The following CPA6 variants were observed in gnomAD, a reference collection of about 807,000 sequenced individuals.
CPA6 encodes carboxypeptidase B.
A neutral mutation model predicts 63.3 loss-of-function variants in CPA6; 58 were observed. That is an observed-to-expected ratio of 0.92 (90% CI 0.74 to 1.14). CPA6 has a LOEUF of 1.14. CPA6 is among the 50% of genes most tolerant of loss of function. The probability of loss-of-function intolerance (pLI) is 0.00; values close to 1 mark genes in which losing one functional copy is unlikely to be tolerated. For synonymous variants in CPA6, 185 were observed against 179.0 expected (o/e 1.03, Z -0.27); for missense variants, 565 against 526.6 (o/e 1.07, Z -0.71).
chr8:67,508,355 C>A (rs1421161789), intron 5 of CPA6, among the ~76,000 whole-genome samples: 2 of 151,916 alleles, frequency 1.3e-5, no homozygotes, highest in East Asian at 3.9e-4. Flanking sequence ...GAGAGGGATG[C>A]CATTCTGAAT....
intron 2 of CPA6, among the ~76,000 whole-genome samples, chr8:67,612,509 G>T (rs139017920): frequency 4.5e-4 from 68 of 152,216 alleles, no homozygotes; most frequent in African/African-American, 1.5e-3. Context: ...TCAATATGAT[G>T]CTGATTCTTA....
intron 8 of CPA6, among the ~76,000 whole-genome samples, chr8:67,479,715 C>A (rs1307563869): frequency 6.6e-6 from 1 of 152,150 alleles, no homozygotes; most frequent in African/African-American, 2.4e-5. Context: ...CTTTTTATTG[C>A]TCTCTTTGCC....
chr8:67,488,054 T>C (rs1048160609), intron 6 of CPA6, among the ~76,000 whole-genome samples: 2 of 152,212 alleles, frequency 1.3e-5, no homozygotes, highest in African/African-American at 4.8e-5. Flanking sequence ...CCCTTTAGTT[T>C]AATTAGATCC....
chr8:67,579,225 A>G (rs1486671865), intron 2 of CPA6, among the ~76,000 whole-genome samples: 1 of 152,226 alleles, frequency 6.6e-6, no homozygotes, highest in Admixed American at 6.5e-5. Flanking sequence ...AGCCTGGCCA[A>G]CATGGCCAAA....
intron 8 of CPA6, among the ~76,000 whole-genome samples, chr8:67,436,802 G>C (rs753960318): frequency 2.0e-5 from 3 of 152,174 alleles, no homozygotes; most frequent in Non-Finnish European, 4.4e-5. Context: ...ATTTTCCATA[G>C]TTATTTGCCA....
At chr8:67,459,995 T>C (rs1810763922) in intron 8 of CPA6, among the ~76,000 whole-genome samples, 1 of 150,818 alleles carries the variant, frequency 6.6e-6, no homozygotes, top group Admixed American at 6.6e-5. Flanking sequence ...AAAACTGCTC[T>C]AAAGAAGTAA....
intron 1 of CPA6, among the ~76,000 whole-genome samples, chr8:67,630,079 C>T (rs528513557): frequency 1.3e-4 from 20 of 150,144 alleles, no homozygotes; most frequent in South Asian, 2.1e-4. Flanking sequence ...CACTCCAGTC[C>T]GGGCGACAGA....
intron 1 of CPA6, among the ~76,000 whole-genome samples, chr8:67,654,210 G>T (rs1213032059): frequency 1.3e-5 from 2 of 151,960 alleles, no homozygotes; most frequent in African/African-American, 2.4e-5. Context: ...TCTCTTTTTT[G>T]GTTGTGTCTC....
At chr8:67,439,899 T>C (rs1810251006) in intron 8 of CPA6, among the ~76,000 whole-genome samples, 1 of 152,150 alleles carries the variant, frequency 6.6e-6, no homozygotes, top group Non-Finnish European at 1.5e-5. Flanking sequence ...ATATTGAGAT[T>C]ACGGGCATAA....
rs575192208 is a variant in CPA6, at chr8:67,613,943, G to A, written c.192+10233C>T. 3.3e-5 allele frequency among the ~76,000 whole-genome samples: 5 copies of A among 152,214 alleles called. No homozygotes were observed. The East Asian group carries it at 5.8e-4, about 18-fold the overall frequency. On this transcript the variant is annotated intron_variant, in intron 2 of 10. Coordinates refer to ENST00000297770, the MANE Select transcript of CPA6 (RefSeq NM_020361.5). Reference sequence around the variant, plus strand: ...CTGAGAGGAGTTCGGCTGGTGGGTCGTCGGAGAGGAGTCGGGCCTATTCCA... The same window carrying A: ...CTGAGAGGAGTTCGGCTGGTGGGTCATCGGAGAGGAGTCGGGCCTATTCCA...
intron 1 of CPA6, among the ~76,000 whole-genome samples, chr8:67,686,673 G>A (rs555008212): frequency 4.6e-5 from 7 of 152,286 alleles, no homozygotes; most frequent in Middle Eastern, 3.4e-3. Context: ...TTTAATGGTC[G>A]TGCTCCAAGC....
At chr8:67,710,814 G>A (rs2129000278) in intron 1 of CPA6, among the ~76,000 whole-genome samples, 1 of 152,098 alleles carries the variant, frequency 6.6e-6, no homozygotes, top group South Asian at 2.1e-4. Context: ...TAGGGGCTTA[G>A]GTCTCTCAAG....
At chr8:67,472,388 T>TTATTC in intron 8 of CPA6, among the ~76,000 whole-genome samples, 1 of 122,302 alleles carries the variant, frequency 8.2e-6, no homozygotes, top group African/African-American at 4.0e-5. Context: ...TTATTTTATT[T>TTATTC]TATTTTATTT....
chr8:67,533,081 C>T (rs567478217), intron 2 of CPA6, among the ~76,000 whole-genome samples: 2 of 152,276 alleles, frequency 1.3e-5, no homozygotes, highest in South Asian at 2.1e-4. Context: ...GTAATAAAAT[C>T]GTCCTTTGTT....
intron 5 of CPA6, among the ~76,000 whole-genome samples, chr8:67,507,999 TTGTGTG>T (rs145996041): frequency 0.034 from 4,875 of 142,280 alleles, 153 homozygotes; most frequent in African/African-American, 0.085. Context: ...ATGGGGTGCT[TTGTGTG>T]TGTGTGTGTG....
At chr8:67,485,504 G>A (rs1161664489) in intron 6 of CPA6, among the ~76,000 whole-genome samples, 1 of 152,100 alleles carries the variant, frequency 6.6e-6, no homozygotes, top group Non-Finnish European at 1.5e-5. Flanking sequence ...GTTAATTTGT[G>A]ATCTGCTTTC....
chr8:67,558,564 C>T (rs567363376), intron 2 of CPA6, among the ~76,000 whole-genome samples: 1 of 152,320 alleles, frequency 6.6e-6, no homozygotes, highest in Non-Finnish European at 1.5e-5. Context: ...TATATAACTT[C>T]TATTGTTCTA....
Position 67,674,681 on chromosome 8 carries a change from A to G in CPA6, c.117-50430T>C, listed in dbSNP as rs1816429237. ...AAATTTCATTACTGGGCATATACCT[A>G]AAGGAAAATAGATCATTATGCCAAA... On this transcript the variant is annotated intron_variant, in intron 1 of 10. Coordinates refer to ENST00000297770, the MANE Select transcript of CPA6 (RefSeq NM_020361.5). Among the ~76,000 whole-genome samples the G allele has an allele frequency of 3.3e-5, 5 of 152,194 alleles. No homozygotes were observed. The South Asian group carries it at 8.3e-4, about 25-fold the overall frequency.
intron 8 of CPA6, among the ~76,000 whole-genome samples, chr8:67,462,876 A>G (rs767662452): frequency 2.6e-5 from 4 of 152,160 alleles, no homozygotes; most frequent in Admixed American, 6.5e-5. Context: ...GTGCCTGCAT[A>G]TAGATGGTGC....
Sources: allele counts gnomAD v4.1 joint callset (sites outside exome capture counted in the v4.1 genomes callset), GRCh38; gene constraint gnomAD v4.1.1; transcripts MANE v1.5; gene names NCBI Gene and HGNC (gene_info 2026-07-23, HGNC 2026-07-21).